IFT46: variants seen among roughly 807,000 people sequenced by gnomAD.
IFT46 encodes intraflagellar transport 46.
Under a neutral mutation model 39.6 loss-of-function variants are expected in IFT46, and 19 were observed. The observed-to-expected ratio is 0.48, with a 90% CI of 0.33 to 0.70. IFT46 has a LOEUF of 0.70. Among genes scored for constraint, IFT46 ranks in the 30% least tolerant of loss-of-function variants. IFT46 has a pLI of 0.01. For synonymous variants in IFT46, 117 were observed against 134.8 expected, an observed-to-expected ratio of 0.87 and a Z score of 0.91; for missense variants, 334 against 364.8, an observed-to-expected ratio of 0.92 and a Z score of 0.69.
intron 2 of IFT46, chr11:118,560,852 G>A (rs1555070470): frequency 1.3e-6 from 1 of 760,760 alleles, no homozygotes; most frequent in African/African-American, 1.7e-5. Flanking sequence ...GATAGTTCGT[G>A]TAACAAACAG....
At chr11:118,545,216 C>CT (rs45461900) in intron 11 of IFT46, among the ~76,000 whole-genome samples, 193 bp downstream of exon 11, 4 of 151,798 alleles carry the variant, frequency 2.6e-5, no homozygotes, top group African/African-American at 4.8e-5. Context: ...TCCACCCACC[C>CT]TTTTTTTTCC....
At chr11:118,570,998 C>A (rs1226436321), upstream of IFT46, among the ~76,000 whole-genome samples, 1 of 152,126 alleles carries the variant, frequency 6.6e-6, no homozygotes, top group Admixed American at 6.5e-5. Flanking sequence ...AACTCAGCCT[C>A]CCAAGTAGCT....
At position 118,545,797 on chromosome 11, in the gene IFT46, G is replaced by A; in HGVS notation, c.729C>T (p.Ile243=). ...DCSLAEYIDM[I]CAILDIPVYK... The stretch of plus-strand genomic sequence containing the variant: ...GGAAAGGAAAGAGGAACTCACCACA[G>A]ATCATGTCAATGTACTCTGCCAGGC... The change falls in exon 10 of 12, where the codon ATC becomes ATT. Residue 243 remains isoleucine (I), a synonymous_variant. Coordinates refer to ENST00000264021, the MANE Select transcript of IFT46 (RefSeq NM_001168618.2). 2 of 1,614,104 alleles carry A rather than the reference G, an allele frequency of 1.2e-6. No homozygotes were observed. Among genetic ancestry groups the A allele is most frequent in the South Asian group, 2.2e-5 (2 of 91,088 alleles).
chr11:118,566,917 G>A (rs140489115), upstream of IFT46, among the ~76,000 whole-genome samples: 139 of 151,832 alleles, frequency 9.2e-4, 4 homozygotes, highest in East Asian at 0.012. Context: ...AATTAATTTG[G>A]GAAGTCAGGG....
chr11:118,575,411 GGT>G (rs56934953), upstream of IFT46, among the ~76,000 whole-genome samples: 237 of 149,006 alleles, frequency 1.6e-3, no homozygotes, highest in East Asian at 8.1e-3. Context: ...ACTGATAACG[GGT>G]GTGTGTGTGT....
upstream of IFT46, among the ~76,000 whole-genome samples, chr11:118,568,958 T>G (rs191712968): frequency 2.6e-5 from 4 of 151,206 alleles, no homozygotes; most frequent in East Asian, 8.0e-4. Context: ...ACCTGGCCAG[T>G]GGGTACAAGT....
intron 9 of IFT46, among the ~76,000 whole-genome samples, chr11:118,549,866 T>G (rs529752279): frequency 1.3e-5 from 2 of 151,556 alleles, no homozygotes; most frequent in South Asian, 4.2e-4. Flanking sequence ...TTGCCCAGGC[T>G]GGTCTCAAAC....
intron 2 of IFT46, chr11:118,560,329 G>C: frequency 5.7e-6 from 1 of 176,450 alleles, no homozygotes; most frequent in Non-Finnish European, 1.2e-5. Flanking sequence ...TGACGCAGGA[G>C]GTCTGCTTAA....
chr11:118,557,688 C>CA (rs1555069774), intron 3 of IFT46: 1 of 1,602,878 alleles, frequency 6.2e-7, no homozygotes, highest in South Asian at 1.1e-5. Context: ...AATGACTACA[C>CA]ATTCTCTCTC....
chr11:118,554,338 G>A (rs782527867), intron 7 of IFT46, 121 bp downstream of exon 7: 2 of 992,944 alleles, frequency 2.0e-6, no homozygotes, highest in South Asian at 2.0e-5. Flanking sequence ...TTACAGGCGT[G>A]AGCCACCGCA....
At chr11:118,572,525 C>CT in intron 1 of IFT46, 1 of 1,611,324 alleles carries the variant, frequency 6.2e-7, no homozygotes, top group African/African-American at 1.3e-5. Flanking sequence ...GGAGTGCGGG[C>CT]GCGCCCCACC....
At chr11:118,571,779 T>C (rs1555072377) in intron 1 of IFT46, among the ~76,000 whole-genome samples, 1 of 152,236 alleles carries the variant, frequency 6.6e-6, no homozygotes, top group East Asian at 1.9e-4. Flanking sequence ...TGTATTTGTC[T>C]TTTTATTGCT....
chr11:118,568,778 A>G (rs1938280186), upstream of IFT46, among the ~76,000 whole-genome samples: 1 of 151,040 alleles, frequency 6.6e-6, no homozygotes, highest in South Asian at 2.1e-4. Flanking sequence ...CGATTCTCCC[A>G]CCGAGTAGCT....
intron 9 of IFT46, among the ~76,000 whole-genome samples, chr11:118,550,409 C>T (rs1555068115): frequency 6.6e-6 from 1 of 152,062 alleles, no homozygotes; most frequent in African/African-American, 2.4e-5. Flanking sequence ...CAGTCATGCT[C>T]CTTCTGTATC....
intron 2 of IFT46, chr11:118,560,604 TA>T (rs1555070413): frequency 2.8e-6 from 1 of 362,740 alleles, no homozygotes; most frequent in African/African-American, 2.1e-5. Flanking sequence ...AAAAATTACT[TA>T]AAATGATTTT....
intron 2 of IFT46, among the ~76,000 whole-genome samples, chr11:118,563,675 G>A (rs1213174123): frequency 6.6e-6 from 1 of 152,106 alleles, no homozygotes; most frequent in Non-Finnish European, 1.5e-5. Flanking sequence ...TCTGCTTATT[G>A]TGCTTCCTGC....
chr11:118,557,453 A>G (rs1423724551), intron 3 of IFT46: 1 of 432,184 alleles, frequency 2.3e-6, no homozygotes, highest in Non-Finnish European at 4.1e-6. Flanking sequence ...AGGGGTCTTA[A>G]TACTCACAAA....
intron 9 of IFT46, among the ~76,000 whole-genome samples, chr11:118,549,572 T>G (rs1177379498): frequency 2.7e-5 from 4 of 150,808 alleles, no homozygotes; most frequent in Non-Finnish European, 5.9e-5. Context: ...GTCACCAGGC[T>G]GGAGTGCAGT....
chr11:118,563,631 A>C (rs1555070938), intron 2 of IFT46, among the ~76,000 whole-genome samples: 1 of 152,076 alleles, frequency 6.6e-6, no homozygotes, highest in Non-Finnish European at 1.5e-5. Context: ...ACAACAGTCC[A>C]TTCCACACAC....
Sources: gnomAD v4.1 joint callset for allele counts (sites outside exome capture counted in the v4.1 genomes callset) on GRCh38, gnomAD v4.1.1 for gene constraint, MANE v1.5 for transcripts, NCBI Gene and HGNC (gene_info 2026-07-23, HGNC 2026-07-21) for gene names.